The following PSTPIP1 variants were observed in gnomAD, a reference collection of about 807,000 sequenced individuals.
PSTPIP1 encodes the protein proline-serine-threonine phosphatase-interacting protein 1.
PSTPIP1 carries 66 observed loss-of-function variants against 69.6 expected under a neutral mutation model. The observed-to-expected ratio is 0.95, with a 90% CI of 0.78 to 1.16. PSTPIP1 has a LOEUF of 1.16. PSTPIP1 is among the 50% of genes most tolerant of loss of function. The probability of loss-of-function intolerance (pLI) is 0.00; values close to 1 mark genes in which losing one functional copy is unlikely to be tolerated. For missense variants in PSTPIP1, 603 were observed against 557.4 expected, an observed-to-expected ratio of 1.08 and a Z score of -0.82; for synonymous variants, 266 against 222.7, an observed-to-expected ratio of 1.19 and a Z score of -1.73.
intron 1 of PSTPIP1, among the ~76,000 whole-genome samples, chr15:77,004,038 A>G (rs908844023): frequency 5.9e-5 from 9 of 152,234 alleles, no homozygotes; most frequent in African/African-American, 2.2e-4. Context: ...TTTGGTTTCA[A>G]GTAACAAGAT....
chr15:77,035,398 C>T lies in PSTPIP1; in HGVS notation c.930-110C>T, dbSNP rs531132774. 27 of 1,188,954 alleles carry T rather than the reference C, an allele frequency of 2.3e-5. No homozygotes were observed. In the African/African-American group the frequency reaches 4.0e-4, roughly 17 times the overall value. 73.7% of individuals were successfully genotyped at this position (1,188,954 alleles called of 1,614,324 possible). ...CCTGGAGGCTAGGGGCAGTCCCAGC[C>T]CTGGCAGAGCGCGTGCAGCTCTGAG... On this transcript the variant is annotated intron_variant, in intron 12 of 14. Transcript: ENST00000558012.
rs1443813176 is a variant in PSTPIP1, at chr15:77,037,418, G to A, written c.*242G>A. 1 of 425,568 alleles carries A rather than the reference G, an allele frequency of 2.3e-6. No homozygotes were observed. Among genetic ancestry groups the A allele is most frequent in the African/African-American group, 2.0e-5 (1 of 49,806 alleles). The allele number at this position is 425,568 out of a possible 1,614,324, so 26.4% of individuals were successfully genotyped here. ...AGAGGAGGCAAAGGAACAAGGGAAG[G>A]AGCCTGGATGTGGAGCTCCCCAACT... On this transcript the variant is annotated 3_prime_UTR_variant, in exon 15 of 15. Coordinates refer to ENST00000558012, the MANE Select transcript of PSTPIP1 (RefSeq NM_003978.5).
At chr15:77,035,480 A>T in intron 12 of PSTPIP1, 28 bp from the exon 13 acceptor site, 1 of 1,576,366 alleles carries the variant, frequency 6.3e-7, no homozygotes, top group Non-Finnish European at 8.6e-7. Context: ...GGGCGGGGAC[A>T]CTCACCCTCT....
chr15:77,006,886 C>A, intron 1 of PSTPIP1, among the ~76,000 whole-genome samples: 1 of 152,162 alleles, frequency 6.6e-6, no homozygotes, highest in Non-Finnish European at 1.5e-5. Flanking sequence ...GTGAGTCCTC[C>A]AAACTTATTC....
intron 3 of PSTPIP1, among the ~76,000 whole-genome samples, chr15:77,020,875 G>T (rs926700241): frequency 8.1e-4 from 117 of 143,982 alleles, no homozygotes; most frequent in Non-Finnish European, 1.5e-3. Flanking sequence ...CTGTGGGGGG[G>T]GGGGGTGTGT....
At chr15:77,031,021 G>C (rs559835773) in intron 9 of PSTPIP1, among the ~76,000 whole-genome samples, 159 bp from the exon 10 acceptor site, 1 of 152,204 alleles carries the variant, frequency 6.6e-6, no homozygotes, top group Non-Finnish European at 1.5e-5. Flanking sequence ...GGGCTGGCCC[G>C]GAGTCGGGAT....
chr15:77,010,114 G>A (rs1454756841), intron 1 of PSTPIP1, among the ~76,000 whole-genome samples: 15 of 152,150 alleles, frequency 9.9e-5, no homozygotes, highest in Non-Finnish European at 2.9e-5. Context: ...AAGGGCCCAC[G>A]GCCTCCCTTC....
chr15:77,035,843 G>A lies in PSTPIP1; in HGVS notation c.1027G>A (p.Gly343Ser), dbSNP rs370404621. The change falls in exon 14 of 15, where the codon GGT becomes AGT. Residue 343 changes from glycine (G) to serine (S), a missense_variant. Gly to Ser is a moderately conservative substitution (Grantham distance 56, BLOSUM62 0). Transcript: ENST00000558012. ...GACCCCCACCCCCGAGCGGAATGAGGGTGTCTACACAGCCATCGCAGTGCA... is the reference window on the plus strand; with the variant it reads ...GACCCCCACCCCCGAGCGGAATGAGAGTGTCTACACAGCCATCGCAGTGCA... The part of the protein sequence containing the change: ...TLTPTPERNE[G>S]VYTAIAVQEI... 138 of 1,610,304 alleles carry A rather than the reference G, an allele frequency of 8.6e-5. 1 individual carries two copies. Among genetic ancestry groups the A allele is most frequent in the Non-Finnish European group, 1.1e-4 (129 of 1,179,664 alleles).
Position 77,028,253 on chromosome 15 carries a change from C to CGGCGTGGCGAGG in PSTPIP1, c.418-282_418-271dup, listed in dbSNP as rs1238922069. On this transcript the variant is annotated intron_variant, in intron 6 of 14. Coordinates refer to ENST00000558012, the MANE Select transcript of PSTPIP1 (RefSeq NM_003978.5). ...AGGGAGAGGGGCTCCTAAGAGGGCG[C>CGGCGTGGCGAGG]GGCGTGGCGAGGGGCGTGGCGAGGG... 143 of 492,962 alleles carry CGGCGTGGCGAGG rather than the reference C, an allele frequency of 2.9e-4. 1 individual carries two copies. Among genetic ancestry groups the CGGCGTGGCGAGG allele is most frequent in the East Asian group, 1.1e-3 (31 of 28,454 alleles). The allele number at this position is 492,962 out of a possible 1,614,324, so 30.5% of individuals were successfully genotyped here.
chr15:77,017,488 G>A (rs1446563400), intron 1 of PSTPIP1, among the ~76,000 whole-genome samples: 3 of 152,198 alleles, frequency 2.0e-5, no homozygotes, highest in Non-Finnish European at 4.4e-5. Context: ...CTCTGACCTG[G>A]ACTGAAGTCA....
chr15:77,000,479 A>ATATATATATATATATATATATG (rs1568482008), intron 1 of PSTPIP1, among the ~76,000 whole-genome samples: 1 of 148,960 alleles, frequency 6.7e-6, no homozygotes, highest in African/African-American at 2.5e-5. Context: ...ATATATATAC[A>ATATATATATATATATATATATG]CACACACACA....
In PSTPIP1 at chr15:77,027,307, G is replaced by A. The variant is rs1332606813; in HGVS notation, c.355-545G>A. Among the ~76,000 whole-genome samples the A allele has an allele frequency of 6.6e-6, 1 of 152,162 alleles. No individual in the cohort carries two copies. Among genetic ancestry groups the A allele is most frequent in the Non-Finnish European group, 1.5e-5 (1 of 68,020 alleles). ...AGGGGAGGCTTTGGCCCCAGACCTC[G>A]GCACAGGGGCCCAGTGGCCACTGTG... is the stretch of plus-strand genomic sequence containing the variant. On this transcript the variant is annotated intron_variant, in intron 5 of 14. Coordinates refer to ENST00000558012, the MANE Select transcript of PSTPIP1 (RefSeq NM_003978.5). The surrounding 1 kb of genome is among the most constrained non-coding windows in gnomAD (Gnocchi z 4.3).
At chr15:76,995,951 A>C (rs1461644504) in intron 1 of PSTPIP1, among the ~76,000 whole-genome samples, 1 of 152,170 alleles carries the variant, frequency 6.6e-6, no homozygotes, top group Non-Finnish European at 1.5e-5. Context: ...AGATTTAGAG[A>C]CCAGACAAAC....
intron 14 of PSTPIP1, 149 bp from the exon 15 acceptor site, chr15:77,036,896 A>ACC: frequency 9.9e-7 from 1 of 1,013,816 alleles, no homozygotes; most frequent in East Asian, 2.6e-5. Context: ...CCGTTGGGTT[A>ACC]CCCCCATCCT....
intron 1 of PSTPIP1, among the ~76,000 whole-genome samples, chr15:77,013,217 C>T (rs2075981270): frequency 6.6e-6 from 1 of 152,204 alleles, no homozygotes; most frequent in Non-Finnish European, 1.5e-5. Context: ...CTGGAGCTTT[C>T]CCAGTCATCT....
chr15:77,036,079 T>G, intron 14 of PSTPIP1, 144 bp downstream of exon 14: 3 of 1,130,970 alleles, frequency 2.7e-6, no homozygotes, highest in Non-Finnish European at 3.6e-6. Flanking sequence ...AGGGCACGTG[T>G]GCCCGAGTGT....
At chr15:77,036,904 C>T (rs909918531) in intron 14 of PSTPIP1, 141 bp from the exon 15 acceptor site, 10 of 1,125,190 alleles carry the variant, frequency 8.9e-6, no homozygotes, top group Middle Eastern at 2.9e-4. Context: ...TTACCCCCAT[C>T]CTGTGTCCCC....
At chr15:77,029,378 T>G (rs2076360049) in intron 7 of PSTPIP1, 151 bp from the exon 8 acceptor site, 3 of 824,764 alleles carry the variant, frequency 3.6e-6, no homozygotes, top group Non-Finnish European at 3.9e-6. Context: ...TGGGCGGAGG[T>G]TGCTTGTGGA....
chr15:77,025,621 G>A lies in PSTPIP1; in HGVS notation c.354+17G>A, dbSNP rs1317343256. ...AGGAAGAAGGTGAGGCAGGTGCAGGGGGCGGGGGAGCTGCTCCCCCATTGC... is the reference window on the plus strand; with the variant it reads ...AGGAAGAAGGTGAGGCAGGTGCAGGAGGCGGGGGAGCTGCTCCCCCATTGC... On this transcript the variant is annotated intron_variant, in intron 5 of 14. Coordinates refer to ENST00000558012, the MANE Select transcript of PSTPIP1 (RefSeq NM_003978.5). 1.2e-5 allele frequency: 18 copies of A among 1,531,908 alleles called. No homozygotes were observed. The highest frequency in any genetic ancestry group is 1.6e-5 in the Non-Finnish European group (18 of 1,132,234). The allele number at this position is 1,531,908 out of a possible 1,614,324, so 94.9% of individuals were successfully genotyped here. A position where few individuals can be genotyped will look rare whatever the true frequency, so the allele number is the denominator to read the frequency against.
Sources: gnomAD v4.1 joint callset for allele counts (sites outside exome capture counted in the v4.1 genomes callset) on GRCh38, gnomAD v4.1.1 for gene constraint, Gnocchi (gnomAD v3.1) non-coding constraint, MANE v1.5 for transcripts, NCBI Gene and HGNC (gene_info 2026-07-23, HGNC 2026-07-21) for gene names.